The following NDRG4 variants were observed in gnomAD, a reference collection of about 807,000 sequenced individuals.
NDRG4 encodes the protein protein NDRG4.
In NDRG4, 38 loss-of-function variants were observed where a neutral mutation model predicts 55.8. That is an observed-to-expected ratio of 0.68 (90% confidence interval 0.53 to 0.89). The LOEUF is 0.89. NDRG4 is among the 40% of genes least tolerant of loss of function. The pLI is 0.00. For synonymous variants in NDRG4, 190 were observed against 182.7 expected (o/e 1.04, Z -0.32); for missense variants, 455 against 468.6 (o/e 0.97, Z 0.27).
intron 13 of NDRG4, among the ~76,000 whole-genome samples, chr16:58,509,670 C>T (rs935329274): frequency 6.6e-6 from 1 of 152,152 alleles, no homozygotes; most frequent in African/African-American, 2.4e-5. Flanking sequence ...GGCCAGGGGC[C>T]GTGTCCTGCC....
intron 1 of NDRG4, among the ~76,000 whole-genome samples, chr16:58,473,029 C>T (rs1448449098): frequency 3.3e-5 from 5 of 152,204 alleles, no homozygotes; most frequent in African/African-American, 1.2e-4. Flanking sequence ...ATGACCTCAT[C>T]TAGTCTCTCT....
rs781648468 is a variant in NDRG4 at position 58,506,589 on chromosome 16, C to T, written c.491C>T (p.Thr164Met). The change falls in exon 7 of 15, where the codon ACG becomes ATG. Residue 164 changes from threonine (T) to methionine (M), a missense_variant. Thr to Met is a moderately conservative substitution (Grantham distance 81, BLOSUM62 -1). Transcript: ENST00000570248. ...GGCCTAACTAGCACTTTACCCGACA[C>T]GGTGCTCTCCCACCTCTTCAGCCAG... ...LSGLTSTLPD[T>M]VLSHLFSQEE... 5.0e-5 allele frequency: 79 copies of T among 1,570,432 alleles called. No homozygotes were observed. Among genetic ancestry groups the T allele is most frequent in the Non-Finnish European group, 6.4e-5 (74 of 1,161,196 alleles).
intron 1 of NDRG4, among the ~76,000 whole-genome samples, chr16:58,477,180 ATG>A (rs1170367127): frequency 5.3e-5 from 8 of 150,918 alleles, no homozygotes; most frequent in African/African-American, 1.7e-4. Context: ...ATATATATGT[ATG>A]TGTGTGTGTT....
chr16:58,500,488 TAGCAG>T, intron 1 of NDRG4: 1 of 301,476 alleles, frequency 3.3e-6, no homozygotes. Flanking sequence ...TCAGAGCCCA[TAGCAG>T]GGGCTGGGGG....
rs1350985580 is a variant in NDRG4 at position 58,500,254 on chromosome 16, G to C, written c.6G>C (p.Pro2=). M[P]ECWDGEHDIE... is the part of the protein sequence containing the mutation. The stretch of plus-strand genomic sequence containing the variant: ...GGGTTCCCTCCCTCGGCAAGATGCC[G>C]GAGTGCTGGGATGGGGTGAGTGAGG... Residue 2 remains proline (P), a synonymous_variant, in exon 1 of 15, where the codon CCG becomes CCC. Coordinates refer to ENST00000570248, the MANE Select transcript of NDRG4 (RefSeq NM_001242835.2). 1 of 1,536,020 alleles carries C rather than the reference G, an allele frequency of 6.5e-7. No individual in the cohort carries two copies. The highest frequency in any genetic ancestry group is 8.7e-7 in the Non-Finnish European group (1 of 1,146,888).
chr16:58,464,825 C>T lies in NDRG4; in HGVS notation c.-24+1028C>T. On this transcript the variant is annotated intron_variant, in intron 1 of 15. Transcript: ENST00000258187. The surrounding 1 kb of genome is among the most constrained non-coding windows in gnomAD (Gnocchi z 4.8). ...AGGACCCGTGGGCTTCTGGCAGGAC[C>T]CGCGCCATGGACCTCTTATTTCTGC... is the stretch of plus-strand genomic sequence containing the variant. The T allele has an allele frequency of 3.2e-6, 4 of 1,250,334 alleles. No homozygotes were observed. Among genetic ancestry groups the T allele is most frequent in the East Asian group, 4.2e-5 (1 of 23,566 alleles). The allele number at this position is 1,250,334 out of a possible 1,614,324, so 77.5% of individuals were successfully genotyped here. A position where few individuals can be genotyped will look rare whatever the true frequency, so the allele number is the denominator to read the frequency against.
rs2031110781 is a variant in NDRG4 at position 58,464,181 on chromosome 16, G to A, written c.-24+384G>A. On this transcript the variant is annotated intron_variant, in intron 1 of 15. Coordinates refer to the NDRG4 transcript ENST00000258187. This position sits in a 1 kb window ranked among gnomAD's most constrained non-coding sequence, Gnocchi z 4.8. ...TTCCTCCGCCTCCTGGAGTTCACCG[G>A]GACCAGGTGGCGGCGGGTGCCTTTT... 1 of 380,908 alleles carries A rather than the reference G, an allele frequency of 2.6e-6. No homozygotes were observed. The highest frequency in any genetic ancestry group is 4.6e-6 in the Non-Finnish European group (1 of 215,116). The allele number at this position is 380,908 out of a possible 1,614,324, so 23.6% of individuals were successfully genotyped here.
At chr16:58,479,122 A>G (rs1431353135) in intron 1 of NDRG4, among the ~76,000 whole-genome samples, 1 of 152,116 alleles carries the variant, frequency 6.6e-6, no homozygotes, top group Non-Finnish European at 1.5e-5. Flanking sequence ...TTCGCCTCCC[A>G]AGTTCAAGCA....
At position 58,507,033 on chromosome 16, in the gene NDRG4, A is replaced by C. The variant is rs757874579; in HGVS notation, c.620+18A>C. ...TACAACAGGTGCGGGTGGGATCAGC[A>C]GCCCTGGGACCCAGCACACCCCAGT... On this transcript the variant is annotated intron_variant, in intron 8 of 14. Coordinates refer to ENST00000570248, the MANE Select transcript of NDRG4 (RefSeq NM_001242835.2). 1.7e-5 allele frequency: 27 copies of C among 1,602,220 alleles called. No individual in the cohort carries two copies. Among genetic ancestry groups the C allele is most frequent in the Non-Finnish European group, 2.3e-5 (27 of 1,172,086 alleles).
chr16:58,463,995 C>T (rs2031051569), intron 1 of NDRG4: 1 of 160,024 alleles, frequency 6.2e-6, no homozygotes, highest in South Asian at 2.0e-4. Flanking sequence ...CTCCTCCCCG[C>T]GGCTCCCGCT....
chr16:58,488,570 C>T (rs990147132), intron 2 of NDRG4, among the ~76,000 whole-genome samples: 1 of 152,096 alleles, frequency 6.6e-6, no homozygotes, highest in South Asian at 2.1e-4. Flanking sequence ...GCTGCCCGGA[C>T]CCCCTTCTTT....
intron 2 of NDRG4, among the ~76,000 whole-genome samples, chr16:58,489,244 C>T (rs544106827): frequency 6.6e-6 from 1 of 151,930 alleles, no homozygotes; most frequent in Non-Finnish European, 1.5e-5. Flanking sequence ...ACTGCACCGC[C>T]GCACTCCAGC....
chr16:58,484,883 CTTTT>C (rs572251728), intron 1 of NDRG4, among the ~76,000 whole-genome samples: 1 of 133,858 alleles, frequency 7.5e-6, no homozygotes, highest in Admixed American at 7.5e-5. Context: ...TCATAACTTA[CTTTT>C]TTTTTTTTTT....
At position 58,507,843 on chromosome 16, in the gene NDRG4, T is replaced by G; in HGVS notation, c.656T>G (p.Val219Gly). ...CTGGACATTAACCGGCCTGGAACGGTGCCCAATGCCAAGACGCTCCGGTGA... is the reference window on the plus strand; with the variant it reads ...CTGGACATTAACCGGCCTGGAACGGGGCCCAATGCCAAGACGCTCCGGTGA... ...RDLDINRPGT[V>G]PNAKTLRCPV... Residue 219 changes from valine (V) to glycine (G), a missense_variant, in exon 9 of 15, where the codon GTG becomes GGG. Transcript: ENST00000570248. 1 of 1,613,980 alleles carries G rather than the reference T, an allele frequency of 6.2e-7. No individual in the cohort carries two copies. Among genetic ancestry groups the G allele is most frequent in the Non-Finnish European group, 8.5e-7 (1 of 1,179,984 alleles).
At chr16:58,481,867 A>C (rs937311725) in intron 1 of NDRG4, among the ~76,000 whole-genome samples, 1 of 152,186 alleles carries the variant, frequency 6.6e-6, no homozygotes, top group Non-Finnish European at 1.5e-5. Context: ...GAGAGAAATA[A>C]GAGGGTCCAG....
rs186613750 is a variant in NDRG4, at chr16:58,491,837, G to A, written c.73-3127G>A. ...GCACCCAGGCTAGAGTGCAAGGGGT[G>A]TGACCATAACAGCCTCCTCCTTCAG... On this transcript the variant is annotated intron_variant, in intron 2 of 15. Transcript: ENST00000258187. Among the ~76,000 whole-genome samples the A allele has an allele frequency of 5.3e-5, 8 of 152,216 alleles. No individual in the cohort carries two copies. The East Asian group carries it at 1.4e-3, about 26-fold the overall frequency.
At position 58,464,604 on chromosome 16, in the gene NDRG4, A is replaced by C. The variant is rs1046004201; in HGVS notation, c.-24+807A>C. 4.1e-6 allele frequency: 4 copies of C among 980,328 alleles called. No homozygotes were observed. In the African/African-American group the frequency reaches 5.1e-5, roughly 13 times the overall value. 60.7% of individuals were successfully genotyped at this position (980,328 alleles called of 1,614,324 possible). On this transcript the variant is annotated intron_variant, in intron 1 of 15. Transcript: ENST00000258187. This position sits in a 1 kb window ranked among gnomAD's most constrained non-coding sequence, Gnocchi z 4.8. ...CCCAACTAAGTCCTAGTTTTGTGCT[A>C]CCTGTTTGTGTGCGGAGCCCAGCCC... is the stretch of plus-strand genomic sequence containing the variant.
chr16:58,505,312 G>A (rs996635238), intron 5 of NDRG4, among the ~76,000 whole-genome samples: 7 of 151,054 alleles, frequency 4.6e-5, no homozygotes, highest in Non-Finnish European at 8.8e-5. Context: ...TCGCGCCACT[G>A]CACTCCAGCC....
chr16:58,479,670 A>C (rs1346680543), intron 1 of NDRG4, among the ~76,000 whole-genome samples: 1 of 152,168 alleles, frequency 6.6e-6, no homozygotes, highest in Non-Finnish European at 1.5e-5. Context: ...TCGTTCATTT[A>C]CTTACATGAT....
Sources: gnomAD v4.1 joint callset for allele counts (sites outside exome capture counted in the v4.1 genomes callset) on GRCh38, gnomAD v4.1.1 for gene constraint, Gnocchi (gnomAD v3.1) non-coding constraint, MANE v1.5 for transcripts, NCBI Gene and HGNC (gene_info 2026-07-23, HGNC 2026-07-21) for gene names.